Variants in GALNTL6 observed in about 807,000 individuals in gnomAD.
GALNTL6 encodes the protein polypeptide N-acetylgalactosaminyltransferase like 6, also known as polypeptide N-acetylgalactosaminyltransferase-like 6.
In GALNTL6, 46 loss-of-function variants were observed where a neutral mutation model predicts 73.7. The observed-to-expected ratio is 0.62, with a 90% confidence interval of 0.49 to 0.80. GALNTL6 has a LOEUF of 0.80. GALNTL6 is among the 30% of genes least tolerant of loss of function. The pLI is 0.00. For missense variants in GALNTL6, 604 were observed against 755.0 expected, an observed-to-expected ratio of 0.80 and a Z score of 2.34; for synonymous variants, 259 against 263.7, an observed-to-expected ratio of 0.98 and a Z score of 0.17.
At chr4:172,330,509 G>A (rs897811385) in intron 4 of GALNTL6, among the ~76,000 whole-genome samples, 11 of 152,116 alleles carry the variant, frequency 7.2e-5, no homozygotes, top group Non-Finnish European at 1.0e-4. Context: ...TGTGTACCTG[G>A]CTATTTCAGC....
At chr4:172,560,099 A>G (rs971833885) in intron 5 of GALNTL6, among the ~76,000 whole-genome samples, 6 of 152,172 alleles carry the variant, frequency 3.9e-5, no homozygotes, top group African/African-American at 4.8e-5. Context: ...GAAGTCATTA[A>G]AAGTTCAGAT....
intron 5 of GALNTL6, among the ~76,000 whole-genome samples, chr4:172,398,536 C>T (rs1052226942): frequency 1.3e-5 from 2 of 152,028 alleles, no homozygotes; most frequent in African/African-American, 2.4e-5. Flanking sequence ...GCTTTGCAAT[C>T]GTTTATTGCT....
intron 2 of GALNTL6, among the ~76,000 whole-genome samples, chr4:172,044,182 G>C (rs1204601988): frequency 6.6e-6 from 1 of 151,862 alleles, no homozygotes; most frequent in Non-Finnish European, 1.5e-5. Flanking sequence ...CCATATTTTA[G>C]TTACTCAGTC....
chr4:172,179,655 G>A (rs1030740444), intron 2 of GALNTL6, among the ~76,000 whole-genome samples: 42 of 148,166 alleles, frequency 2.8e-4, no homozygotes, highest in African/African-American at 9.5e-4. Context: ...AAGCTCTTTA[G>A]TTTAATTAGA....
intron 5 of GALNTL6, among the ~76,000 whole-genome samples, chr4:172,483,412 A>G (rs1251600112): frequency 6.6e-6 from 1 of 152,180 alleles, no homozygotes; most frequent in East Asian, 1.9e-4. Context: ...CTGATTTCCA[A>G]ATATACTGGG....
intron 5 of GALNTL6, among the ~76,000 whole-genome samples, chr4:172,740,179 T>C (rs1326394384): frequency 1.3e-5 from 2 of 152,088 alleles, no homozygotes; most frequent in Admixed American, 6.6e-5. Context: ...CCCACGTGAT[T>C]TATACCTTCA....
At chr4:172,896,548 C>T (rs565764678) in intron 8 of GALNTL6, among the ~76,000 whole-genome samples, 1 of 152,318 alleles carries the variant, frequency 6.6e-6, no homozygotes, top group African/African-American at 2.4e-5. Flanking sequence ...TGTCTCCCAG[C>T]AGATCCCTGC....
chr4:172,061,366 C>T (rs1006764398), intron 2 of GALNTL6, among the ~76,000 whole-genome samples: 7 of 152,094 alleles, frequency 4.6e-5, no homozygotes, highest in Non-Finnish European at 7.4e-5. Context: ...CTGTCTAGTC[C>T]TCCAGTAGTT....
At chr4:172,692,527 A>T (rs1363807825) in intron 5 of GALNTL6, among the ~76,000 whole-genome samples, 1 of 152,132 alleles carries the variant, frequency 6.6e-6, no homozygotes, top group Non-Finnish European at 1.5e-5. Context: ...TTTTAATATT[A>T]TGTGTGAAAA....
At chr4:172,168,488 GAT>G in intron 2 of GALNTL6, among the ~76,000 whole-genome samples, 1 of 152,170 alleles carries the variant, frequency 6.6e-6, no homozygotes, top group Non-Finnish European at 1.5e-5. Flanking sequence ...GGATGATGAT[GAT>G]GATGGTGCTG....
At chr4:173,033,411 G>T (rs1317291285) in intron 12 of GALNTL6, among the ~76,000 whole-genome samples, 1 of 151,448 alleles carries the variant, frequency 6.6e-6, no homozygotes, top group East Asian at 1.9e-4. Flanking sequence ...AATGGAAAAG[G>T]GTAGACAAAA....
At chr4:172,777,209 G>A (rs1266534286) in intron 5 of GALNTL6, among the ~76,000 whole-genome samples, 1 of 152,064 alleles carries the variant, frequency 6.6e-6, no homozygotes, top group African/African-American at 2.4e-5. Context: ...ATATCTGAGA[G>A]TAGTGTGTAT....
Position 172,509,504 on chromosome 4 carries a change from T to G in GALNTL6, c.553+160815T>G, listed in dbSNP as rs1413124551. ...TTTGTTGCATTTGCTTGTGGGTTCT[T>G]GGCCATGAAGTCTTTGCCTAAGCCA... On this transcript the variant is annotated intron_variant, in intron 5 of 12. Coordinates refer to ENST00000506823, the MANE Select transcript of GALNTL6 (RefSeq NM_001034845.3). 1.3e-4 allele frequency among the ~76,000 whole-genome samples: 7 copies of G among 55,316 alleles called. 2 individuals are homozygous for G. The highest frequency in any genetic ancestry group is 3.2e-4 in the African/African-American group (7 of 22,158). The allele number at this position is 55,316 out of a possible 152,430, so 36.3% of individuals were successfully genotyped here.
chr4:172,461,580 A>C (rs1276217209), intron 5 of GALNTL6, among the ~76,000 whole-genome samples: 1 of 152,066 alleles, frequency 6.6e-6, no homozygotes, highest in Non-Finnish European at 1.5e-5. Flanking sequence ...ACTCTGGCCC[A>C]AAAAAGGATA....
At chr4:172,714,132 T>G (rs751969888) in intron 5 of GALNTL6, among the ~76,000 whole-genome samples, 10 of 152,166 alleles carry the variant, frequency 6.6e-5, no homozygotes, top group Non-Finnish European at 1.3e-4. Flanking sequence ...GGGTTTGTTT[T>G]GGGAAAGGGA....
chr4:172,663,655 G>A (rs879135173), intron 5 of GALNTL6, among the ~76,000 whole-genome samples: 5 of 152,318 alleles, frequency 3.3e-5, no homozygotes, highest in Admixed American at 2.0e-4. Context: ...TTGGCTAGGC[G>A]TAGTGGCTCA....
intron 7 of GALNTL6, among the ~76,000 whole-genome samples, chr4:172,853,699 A>C (rs1482705857): frequency 6.6e-6 from 1 of 152,210 alleles, no homozygotes; most frequent in African/African-American, 2.4e-5. Context: ...AGCTTATTGC[A>C]TTCTGCCACT....
chr4:172,380,041 A>C, intron 5 of GALNTL6: 2 of 960,854 alleles, frequency 2.1e-6, no homozygotes, highest in South Asian at 2.6e-5. Flanking sequence ...AATATTATTC[A>C]TGGCATATAG....
chr4:172,789,163 C>T (rs1205889608), intron 5 of GALNTL6, among the ~76,000 whole-genome samples: 2 of 152,132 alleles, frequency 1.3e-5, no homozygotes, highest in Non-Finnish European at 2.9e-5. Flanking sequence ...AAAACTGTGC[C>T]CCGTCTTCCA....
Sources: gnomAD v4.1 joint callset for allele counts (sites outside exome capture counted in the v4.1 genomes callset) on GRCh38, gnomAD v4.1.1 for gene constraint, MANE v1.5 for transcripts, NCBI Gene and HGNC (gene_info 2026-07-23, HGNC 2026-07-21) for gene names.